Variants in ATP8B4 observed in about 807,000 individuals in gnomAD.
ATP8B4 encodes ATPase phospholipid transporting 8B4 (putative).
Under a neutral mutation model 145.6 loss-of-function variants are expected in ATP8B4, and 133 were observed. That is an observed-to-expected ratio of 0.91 (90% CI 0.79 to 1.05). ATP8B4 has a LOEUF of 1.05. Among genes scored for constraint, ATP8B4 ranks in the 50% least tolerant of loss-of-function variants. ATP8B4 has a pLI of 0.00. For synonymous variants in ATP8B4, 507 were observed against 492.9 expected (o/e 1.03, Z -0.38); for missense variants, 1,458 against 1,425.2 (o/e 1.02, Z -0.37).
chr15:50,176,057 C>CAGAGTATATATATATATATACACT (rs1567420243), intron 1 of ATP8B4, among the ~76,000 whole-genome samples: 2 of 151,126 alleles, frequency 1.3e-5, no homozygotes, highest in Non-Finnish European at 2.9e-5. Flanking sequence ...ATATATATAC[C>CAGAGTATATATATATATATACACT]GCAGAGTATA....
chr15:50,018,331 C>T (rs2049261315), intron 6 of ATP8B4, among the ~76,000 whole-genome samples: 2 of 152,118 alleles, frequency 1.3e-5, no homozygotes, highest in African/African-American at 4.8e-5. Context: ...GCGGTATCAT[C>T]ACCCTGCATT....
chr15:49,870,323 T>C (rs1016172937), intron 25 of ATP8B4, among the ~76,000 whole-genome samples: 1 of 152,136 alleles, frequency 6.6e-6, no homozygotes, highest in Non-Finnish European at 1.5e-5. Flanking sequence ...AGAAAATGTA[T>C]GGGAGGATTT....
chr15:50,157,862 C>A (rs891842212), intron 1 of ATP8B4, among the ~76,000 whole-genome samples: 46 of 152,212 alleles, frequency 3.0e-4, no homozygotes, highest in African/African-American at 1.0e-3. Flanking sequence ...CTGCCTGATT[C>A]TCCTGCCTCA....
intron 3 of ATP8B4, among the ~76,000 whole-genome samples, chr15:50,068,881 C>A (rs1238446117): frequency 6.6e-6 from 1 of 152,118 alleles, no homozygotes; most frequent in Non-Finnish European, 1.5e-5. Flanking sequence ...TATAATTAAG[C>A]TAACACTTTT....
intron 6 of ATP8B4, among the ~76,000 whole-genome samples, chr15:50,021,194 C>T (rs1199944810): frequency 1.3e-5 from 2 of 152,118 alleles, no homozygotes; most frequent in Non-Finnish European, 2.9e-5. Context: ...TTATGTCCTT[C>T]ACTGCTAACA....
intron 1 of ATP8B4, among the ~76,000 whole-genome samples, chr15:50,147,420 C>CA (rs11346792): frequency 1.6e-5 from 2 of 122,804 alleles, no homozygotes; most frequent in African/African-American, 6.6e-5. Flanking sequence ...ACACTGTCTC[C>CA]AAAAAAAAAA....
At chr15:49,940,431 C>A (rs943029778) in intron 14 of ATP8B4, among the ~76,000 whole-genome samples, 3 of 152,124 alleles carry the variant, frequency 2.0e-5, no homozygotes, top group Non-Finnish European at 4.4e-5. Context: ...GGTTGAAGAA[C>A]TACCTATTCA....
upstream of ATP8B4, among the ~76,000 whole-genome samples, chr15:50,120,274 C>G (rs1391166867): frequency 3.3e-5 from 5 of 152,190 alleles, no homozygotes; most frequent in East Asian, 9.6e-4. Context: ...TCCACAGTAA[C>G]AAGAAACTAC....
At chr15:49,947,028 T>C (rs1243835370) in intron 14 of ATP8B4, among the ~76,000 whole-genome samples, 2 of 152,222 alleles carry the variant, frequency 1.3e-5, no homozygotes, top group Non-Finnish European at 2.9e-5. Flanking sequence ...TAAACATCTA[T>C]GTCCAGCTCT....
intron 2 of ATP8B4, among the ~76,000 whole-genome samples, chr15:50,102,904 C>A (rs780831181): frequency 1.3e-5 from 2 of 151,856 alleles, no homozygotes; most frequent in African/African-American, 4.8e-5. Context: ...CATAATCAAG[C>A]GAGTTTCGTA....
At chr15:49,865,770 G>GGAAA (rs781537222) in intron 26 of ATP8B4, among the ~76,000 whole-genome samples, 3 of 152,204 alleles carry the variant, frequency 2.0e-5, no homozygotes, top group South Asian at 4.2e-4. Flanking sequence ...ATTCTCGCAT[G>GGAAA]GAAAGAAGAA....
chr15:50,181,098 A>C (rs1049774895), intron 1 of ATP8B4, among the ~76,000 whole-genome samples: 1 of 152,334 alleles, frequency 6.6e-6, no homozygotes, highest in African/African-American at 2.4e-5. Flanking sequence ...GTAAATGAGC[A>C]TGAAAGTGCC....
At chr15:50,158,713 G>T (rs376703439) in intron 1 of ATP8B4, among the ~76,000 whole-genome samples, 4 of 152,246 alleles carry the variant, frequency 2.6e-5, no homozygotes, top group East Asian at 3.8e-4. Context: ...GCTGTGTCTG[G>T]GTAGAAAGAA....
Position 49,957,348 on chromosome 15 carries a change from C to T in ATP8B4, c.1287+4629G>A, listed in dbSNP as rs184407214. Among the ~76,000 whole-genome samples the T allele has an allele frequency of 2.6e-4, 39 of 151,532 alleles. No homozygotes were observed. The East Asian group carries it at 2.7e-3, about 11-fold the overall frequency. ...ATACTTCCTTAAATATTACAAGAAA[C>T]GCACACAAACACACACACACAGAGT... On this transcript the variant is annotated intron_variant, in intron 14 of 27. Coordinates refer to ENST00000284509, the MANE Select transcript of ATP8B4 (RefSeq NM_024837.4).
chr15:49,957,995 A>G (rs1047999714), intron 14 of ATP8B4, among the ~76,000 whole-genome samples: 4 of 151,834 alleles, frequency 2.6e-5, no homozygotes, highest in Non-Finnish European at 5.9e-5. Context: ...ATTAATAACA[A>G]TTAACCTTAT....
At chr15:49,861,586 G>T (rs1039968987) in intron 27 of ATP8B4, among the ~76,000 whole-genome samples, 1 of 152,096 alleles carries the variant, frequency 6.6e-6, no homozygotes, top group African/African-American at 2.4e-5. Context: ...ATGAATGTTT[G>T]TCTCCCTTTC....
chr15:50,112,664 A>C (rs908723217), intron 1 of ATP8B4, among the ~76,000 whole-genome samples: 17 of 151,986 alleles, frequency 1.1e-4, no homozygotes, highest in Non-Finnish European at 2.5e-4. Flanking sequence ...ACCCTGCCTG[A>C]GACTCAATCT....
chr15:49,905,095 T>C (rs2038455696), intron 20 of ATP8B4, among the ~76,000 whole-genome samples: 1 of 152,236 alleles, frequency 6.6e-6, no homozygotes, highest in Non-Finnish European at 1.5e-5. Context: ...TTTCTAGGCA[T>C]GCCTTTAATA....
intron 2 of ATP8B4, among the ~76,000 whole-genome samples, chr15:50,083,193 C>A (rs1474231754): frequency 6.6e-6 from 1 of 152,160 alleles, no homozygotes; most frequent in South Asian, 2.1e-4. Context: ...CTGGGAAGGC[C>A]TTCCTGTAGT....
Sources: allele counts gnomAD v4.1 joint callset (sites outside exome capture counted in the v4.1 genomes callset), GRCh38; gene constraint gnomAD v4.1.1; transcripts MANE v1.5; gene names NCBI Gene and HGNC (gene_info 2026-07-23, HGNC 2026-07-21).